RSRP1: variants seen among roughly 807,000 people sequenced by gnomAD.
RSRP1 encodes the protein arginine and serine rich protein 1.
Under a neutral mutation model 33.0 loss-of-function variants are expected in RSRP1, and 37 were observed. The ratio of observed to expected loss-of-function variants is 1.12; its 90% confidence interval spans 0.86 to 1.48. The LOEUF is 1.48. Among genes scored for constraint, RSRP1 ranks in the 40% most tolerant of loss-of-function variants. RSRP1 has a pLI of 0.00. For missense variants in RSRP1, 402 were observed against 385.3 expected (o/e 1.04, Z -0.36); for synonymous variants, 167 against 158.7 (o/e 1.05, Z -0.40).
intron 1 of RSRP1, among the ~76,000 whole-genome samples, chr1:25,281,115 A>G (rs1304880885): frequency 1.5e-5 from 2 of 132,658 alleles, no homozygotes; most frequent in African/African-American, 5.2e-5. Context: ...TCACTTAGTG[A>G]GGTGAGAGAA....
In RSRP1 at chr1:25,271,621, C is replaced by A; in HGVS notation, c.-66-24592G>T. On this transcript the variant is annotated intron_variant, in intron 1 of 1. Transcript: ENST00000561867. ...TCCTCGACACTTACCATGTACCAGA[C>A]CTTCTGCCAGGCACATGGATGGGAG... Among the ~76,000 whole-genome samples, 2 of 132,796 alleles carry A rather than the reference C, an allele frequency of 1.5e-5. 1 individual carries two copies. Among genetic ancestry groups the A allele is most frequent in the Admixed American group, 1.5e-4 (2 of 13,676 alleles). 87.1% of individuals were successfully genotyped at this position (132,796 alleles called of 152,430 possible).
rs760343732 is a variant in RSRP1, at chr1:25,314,482, C to T, written c.-67+23496G>A. Among the ~76,000 whole-genome samples, 19 of 131,568 alleles carry T rather than the reference C, an allele frequency of 1.4e-4. 3 individuals carry two copies. Among genetic ancestry groups the T allele is most frequent in the Non-Finnish European group, 2.5e-4 (14 of 55,560 alleles). 86.3% of individuals were successfully genotyped at this position (131,568 alleles called of 152,430 possible). ...TCCTGGATATGAATCCCACTTTGTG[C>T]GTTACCTTTTTCCTTCTTTCTTTCT... On this transcript the variant is annotated intron_variant, in intron 1 of 1. Coordinates refer to the RSRP1 transcript ENST00000561867.
At chr1:25,249,315 G>A (rs754594917), upstream of RSRP1, among the ~76,000 whole-genome samples, 18 of 152,198 alleles carry the variant, frequency 1.2e-4, no homozygotes, top group South Asian at 3.3e-3. Flanking sequence ...GTCAATGTGT[G>A]CCTAAAAAAT....
rs1167657744 is a variant in RSRP1, at chr1:25,265,340, G to A, written c.-66-18311C>T. On this transcript the variant is annotated intron_variant, in intron 1 of 1. Transcript: ENST00000561867. ...AGAATGAAGCCCCAAGATGAAGCAG[G>A]GACACAGTTGCAGTGGTTAGAGTAA... is the stretch of plus-strand genomic sequence containing the variant. Among the ~76,000 whole-genome samples, 3 of 15,436 alleles carry A rather than the reference G, an allele frequency of 1.9e-4. No homozygotes were observed. In the Admixed American group the frequency reaches 2.4e-3, roughly 12 times the overall value. The allele number at this position is 15,436 out of a possible 152,430, so 10.1% of individuals were successfully genotyped here.
At position 25,290,554 on chromosome 1, in the gene RSRP1, A is replaced by AGAATGAAT. The variant is rs112473736; in HGVS notation, c.-66-43533_-66-43526dup. The AGAATGAAT allele has an allele frequency of 3.9e-3, 4,268 of 1,099,920 alleles. 531 individuals are homozygous for AGAATGAAT. In the African/African-American group the frequency reaches 0.051, roughly 13 times the overall value. The allele number at this position is 1,099,920 out of a possible 1,614,324, so 68.1% of individuals were successfully genotyped here. ...TAGGTGCCCAACAGTGTTTGTTGAA[A>AGAATGAAT]GAATGAATGAATGAATGAATGAATG... On this transcript the variant is annotated intron_variant, in intron 1 of 1. Transcript: ENST00000561867.
At chr1:25,269,277 T>C (rs1640421174) in intron 1 of RSRP1, among the ~76,000 whole-genome samples, 1 of 132,818 alleles carries the variant, frequency 7.5e-6, no homozygotes, top group African/African-American at 2.6e-5. Context: ...TACTGAGTAC[T>C]GTACGGAAAG....
At position 25,292,438 on chromosome 1, in the gene RSRP1, C is replaced by T. The variant is rs1642590779; in HGVS notation, c.-66-45409G>A. Among the ~76,000 whole-genome samples the T allele has an allele frequency of 1.5e-5, 2 of 132,010 alleles. 1 individual carries two copies. The highest frequency in any genetic ancestry group is 3.6e-5 in the Non-Finnish European group (2 of 55,650). 86.6% of individuals were successfully genotyped at this position (132,010 alleles called of 152,430 possible). On this transcript the variant is annotated intron_variant, in intron 1 of 1. Coordinates refer to the RSRP1 transcript ENST00000561867. ...TGAGAGTGATGGGAAGTGGTTGGAT[C>T]CTGACTGTATTTTAATAGCAGAATT...
Position 25,289,823 on chromosome 1 carries a change from A to ATT in RSRP1, c.-66-42796_-66-42795dup, listed in dbSNP as rs71014347. Among the ~76,000 whole-genome samples the ATT allele has an allele frequency of 8.2e-4, 95 of 115,906 alleles. 17 individuals carry two copies. Among genetic ancestry groups the ATT allele is most frequent in the South Asian group, 4.4e-3 (17 of 3,850 alleles). 76.0% of individuals were successfully genotyped at this position (115,906 alleles called of 152,430 possible). ...TGTAGCCTGTCTAGATCATAAGTAC[A>ATT]TTTTTTTTTTTTTTGGATCATAAGT... On this transcript the variant is annotated intron_variant, in intron 1 of 1. Coordinates refer to the RSRP1 transcript ENST00000561867.
intron 1 of RSRP1, among the ~76,000 whole-genome samples, chr1:25,314,565 C>A (rs115361352): frequency 0.01 from 1,336 of 132,984 alleles, 208 homozygotes; most frequent in African/African-American, 0.033. Context: ...GCTATCTCAG[C>A]CCACTACAAC....
At chr1:25,251,247 T>G (rs138124011), upstream of RSRP1, among the ~76,000 whole-genome samples, 1 of 152,142 alleles carries the variant, frequency 6.6e-6, no homozygotes, top group Non-Finnish European at 1.5e-5. Context: ...TTTAATCTGG[T>G]GAGACTCCTC....
Position 25,282,119 on chromosome 1 carries a change from T to G in RSRP1, c.-66-35090A>C, listed in dbSNP as rs760968803. On this transcript the variant is annotated intron_variant, in intron 1 of 1. Transcript: ENST00000561867. The stretch of plus-strand genomic sequence containing the variant: ...TGTACTAAACATTATTTCCTTTGGA[T>G]TTCCCAGAAACCTCTCAGGTGGGTC... Among the ~76,000 whole-genome samples the G allele has an allele frequency of 2.3e-5, 3 of 132,558 alleles. 1 individual carries two copies. Among genetic ancestry groups the G allele is most frequent in the Admixed American group, 1.5e-4 (2 of 13,602 alleles). The allele number at this position is 132,558 out of a possible 152,430, so 87.0% of individuals were successfully genotyped here. A position where few individuals can be genotyped will look rare whatever the true frequency, so the allele number is the denominator to read the frequency against.
intron 1 of RSRP1, among the ~76,000 whole-genome samples, chr1:25,302,393 TG>T (rs374435840): frequency 0.022 from 2,760 of 124,410 alleles, 440 homozygotes; most frequent in African/African-American, 0.073. Context: ...TGGGAGGCAC[TG>T]GGGGGGCTGG....
chr1:25,263,931 T>C (rs1343770311), intron 1 of RSRP1, among the ~76,000 whole-genome samples: 4 of 152,026 alleles, frequency 2.6e-5, no homozygotes, highest in Non-Finnish European at 5.9e-5. Context: ...TACAGGCCCA[T>C]GAGAGTCCAA....
In RSRP1 at chr1:25,334,180, T is replaced by C. The variant is rs1239498341; in HGVS notation, c.-67+3798A>G. 1.5e-5 allele frequency among the ~76,000 whole-genome samples: 2 copies of C among 131,570 alleles called. 1 individual carries two copies. Among genetic ancestry groups the C allele is most frequent in the Non-Finnish European group, 3.6e-5 (2 of 55,764 alleles). 86.3% of individuals were successfully genotyped at this position (131,570 alleles called of 152,430 possible). ...CAAGTTAATTACTTCCTAGATACAATGGGGGTACAGGCATTGGGTAAATAC... is the reference window on the plus strand; with the variant it reads ...CAAGTTAATTACTTCCTAGATACAACGGGGGTACAGGCATTGGGTAAATAC... On this transcript the variant is annotated intron_variant, in intron 1 of 1. Transcript: ENST00000561867.
At chr1:25,305,488 C>CCGGAT (rs57346192) in intron 1 of RSRP1, among the ~76,000 whole-genome samples, 118,779 of 128,112 alleles carry the variant, frequency 0.93, 56,845 homozygotes, top group East Asian at 1. Flanking sequence ...CCTCCACCTC[C>CCGGAT]TGGGTTCAAG....
rs28611050 is a variant in RSRP1 at position 25,260,285 on chromosome 1, C to T, written c.-66-13256G>A. On this transcript the variant is annotated intron_variant, in intron 1 of 1. Transcript: ENST00000561867. ...ACTTGAAAAATAAAAATGAACAAGC[C>T]AACAAACTACCAAGTTTTCACTTAC... is the stretch of plus-strand genomic sequence containing the variant. Among the ~76,000 whole-genome samples the T allele has an allele frequency of 8.1e-3, 1,231 of 152,250 alleles. 16 individuals carry two copies. Among genetic ancestry groups the T allele is most frequent in the African/African-American group, 0.027 (1,122 of 41,520 alleles).
In RSRP1 at chr1:25,267,467, C is replaced by G. The variant is rs1487830072; in HGVS notation, c.-66-20438G>C. 2.4e-5 allele frequency among the ~76,000 whole-genome samples: 3 copies of G among 126,352 alleles called. 1 individual carries two copies. The highest frequency in any genetic ancestry group is 5.6e-5 in the Non-Finnish European group (3 of 53,990). The allele number at this position is 126,352 out of a possible 152,430, so 82.9% of individuals were successfully genotyped here. ...AAGCCAAGTCCCATAAGTGGGTCAC[C>G]GCGCCGAGACTGGGGTCCACGGGAC... is the stretch of plus-strand genomic sequence containing the variant. On this transcript the variant is annotated intron_variant, in intron 1 of 1. Coordinates refer to the RSRP1 transcript ENST00000561867.
In RSRP1 at chr1:25,282,232, T is replaced by TTTTA. The variant is rs1176960152; in HGVS notation, c.-66-35207_-66-35204dup. Among the ~76,000 whole-genome samples the TTTTA allele has an allele frequency of 2.3e-5, 3 of 132,166 alleles. 1 individual carries two copies. Among genetic ancestry groups the TTTTA allele is most frequent in the Non-Finnish European group, 3.6e-5 (2 of 55,800 alleles). 86.7% of individuals were successfully genotyped at this position (132,166 alleles called of 152,430 possible). A position where few individuals can be genotyped will look rare whatever the true frequency, so the allele number is the denominator to read the frequency against. On this transcript the variant is annotated intron_variant, in intron 1 of 1. Transcript: ENST00000561867. ...TGGAAACACATAAATTGATATTTCA[T>TTTTA]TTTATTTATTTATTTATTTTGAGAC...
chr1:25,334,816 G>A (rs1209910316), intron 1 of RSRP1, among the ~76,000 whole-genome samples: 2 of 132,770 alleles, frequency 1.5e-5, no homozygotes, highest in Admixed American at 1.4e-4. Flanking sequence ...GTCAGTCATG[G>A]TTGGGAGTGG....
Sources: allele counts gnomAD v4.1 joint callset (sites outside exome capture counted in the v4.1 genomes callset), GRCh38; gene constraint gnomAD v4.1.1; transcripts MANE v1.5; gene names NCBI Gene and HGNC (gene_info 2026-07-23, HGNC 2026-07-21).